The following NEDD4 variants were observed in gnomAD, a reference collection of about 807,000 sequenced individuals.
The protein encoded by NEDD4 is NEDD4 E3 ubiquitin protein ligase.
NEDD4 carries 99 observed loss-of-function variants against 144.9 expected under a neutral mutation model. The ratio of observed to expected loss-of-function variants is 0.68; its 90% CI spans 0.58 to 0.81. The LOEUF (loss-of-function observed/expected upper bound fraction) is 0.81. NEDD4 is among the 30% of genes least tolerant of loss of function. The probability of loss-of-function intolerance (pLI) is 0.00; values close to 1 mark genes in which losing one functional copy is unlikely to be tolerated. For missense variants in NEDD4, 985 were observed against 1,065.9 expected (o/e 0.92, Z 1.06); for synonymous variants, 318 against 350.6 (o/e 0.91, Z 1.04).
Position 55,974,891 on chromosome 15 carries a change from C to CTTTTTTTTTTTTTTTTTTTTTTTTTTT in NEDD4, c.46-8346_46-8345insAAAAAAAAAAAAAAAAAAAAAAAAAAA, listed in dbSNP as rs56285555. On this transcript the variant is annotated intron_variant, in intron 1 of 28. Coordinates refer to ENST00000435532, the MANE Select transcript of NEDD4 (RefSeq NM_006154.4). ...TAAGGATGTCCATTTCTTTTCCTTT[C>CTTTTTTTTTTTTTTTTTTTTTTTTTTT]TTTTTTTTTTTTTTTTTTTTTGAGA... Among the ~76,000 whole-genome samples the CTTTTTTTTTTTTTTTTTTTTTTTTTTT allele has an allele frequency of 2.4e-4, 18 of 75,712 alleles. 1 individual carries two copies. The highest frequency in any genetic ancestry group is 5.6e-4 in the South Asian group (1 of 1,778). 49.7% of individuals were successfully genotyped at this position (75,712 alleles called of 152,430 possible). A position where few individuals can be genotyped will look rare whatever the true frequency, so the allele number is the denominator to read the frequency against.
chr15:55,916,864 A>G, intron 5 of NEDD4: 1 of 1,552,166 alleles, frequency 6.4e-7, no homozygotes, highest in Non-Finnish European at 8.7e-7. Flanking sequence ...TAAGGGCTGA[A>G]AGTCATAACA....
chr15:55,945,280 A>T (rs2037088688), intron 4 of NEDD4, among the ~76,000 whole-genome samples: 1 of 152,188 alleles, frequency 6.6e-6, no homozygotes, highest in Non-Finnish European at 1.5e-5. Context: ...AGGTTAGCCC[A>T]ATGGCTAACT....
chr15:55,918,470 G>A (rs949359096), intron 5 of NEDD4, among the ~76,000 whole-genome samples: 2 of 151,856 alleles, frequency 1.3e-5, no homozygotes, highest in Non-Finnish European at 2.9e-5. Context: ...GAAAGTAAAA[G>A]GTAAAATAGT....
Position 55,872,403 on chromosome 15 carries a change from A to G in NEDD4, c.404+12T>C, listed in dbSNP as rs2034834026. ...AAATTTAATATGCTATTATTATTTT[A>G]TATTTACTGACCTTCTTGGATGAAG... is the stretch of plus-strand genomic sequence containing the variant. On this transcript the variant is annotated intron_variant, in intron 7 of 28. Coordinates refer to ENST00000435532, the MANE Select transcript of NEDD4 (RefSeq NM_006154.4). 1 of 1,322,458 alleles carries G rather than the reference A, an allele frequency of 7.6e-7. No individual in the cohort carries two copies. The highest frequency in any genetic ancestry group is 1.5e-5 in the African/African-American group (1 of 66,518). The allele number at this position is 1,322,458 out of a possible 1,614,324, so 81.9% of individuals were successfully genotyped here. A position where few individuals can be genotyped will look rare whatever the true frequency, so the allele number is the denominator to read the frequency against.
intron 24 of NEDD4, 85 bp from the exon 25 acceptor site, chr15:55,834,371 TC>T: frequency 1.3e-6 from 1 of 786,634 alleles, no homozygotes; most frequent in Non-Finnish European, 2.1e-6. Flanking sequence ...ACTGGAGGAA[TC>T]CCACATCCAC....
At chr15:55,898,856 G>A (rs1292560419) in intron 5 of NEDD4, among the ~76,000 whole-genome samples, 1 of 151,924 alleles carries the variant, frequency 6.6e-6, no homozygotes, top group African/African-American at 2.4e-5. Context: ...TGCCCAGGCT[G>A]GTCTTGAACT....
At chr15:55,968,088 A>G (rs2037547120) in intron 1 of NEDD4, among the ~76,000 whole-genome samples, 1 of 152,204 alleles carries the variant, frequency 6.6e-6, no homozygotes, top group Non-Finnish European at 1.5e-5. Context: ...AATATTTAAT[A>G]TTATTATCTT....
intron 5 of NEDD4, among the ~76,000 whole-genome samples, chr15:55,903,593 G>C (rs2035981239): frequency 6.6e-6 from 1 of 152,030 alleles, no homozygotes; most frequent in Non-Finnish European, 1.5e-5. Context: ...GGGAGGCCGA[G>C]GTGGGTGGAT....
At chr15:55,974,201 C>T (rs12439407) in intron 1 of NEDD4, among the ~76,000 whole-genome samples, 20,239 of 152,040 alleles carry the variant, frequency 0.13, 1,468 homozygotes, top group East Asian at 0.32. Context: ...CACATACAAC[C>T]TTCCAAGATT....
chr15:55,881,332 G>C (rs149519660), intron 5 of NEDD4, among the ~76,000 whole-genome samples: 2,877 of 151,906 alleles, frequency 0.019, 104 homozygotes, highest in African/African-American at 0.066. Flanking sequence ...GTAGAGACAG[G>C]GTTTCACCAT....
In NEDD4 at chr15:55,848,446, A is replaced by C. The variant is rs1178132371; in HGVS notation, c.1484-16T>G. ...CTTTTTATATCTGAAGGGAAGAAAA[A>C]GAAAAAAGATGTACTTTCTCACACA... On this transcript the variant is annotated splice_polypyrimidine_tract_variant and intron_variant, in intron 16 of 28. Transcript: ENST00000435532. The C allele has an allele frequency of 1.2e-6, 2 of 1,614,052 alleles. No individual in the cohort carries two copies. The highest frequency in any genetic ancestry group is 1.7e-6 in the Non-Finnish European group (2 of 1,179,904).
chr15:55,838,737 T>A, intron 21 of NEDD4, 133 bp from the exon 22 acceptor site: 1 of 600,016 alleles, frequency 1.7e-6, no homozygotes, highest in Non-Finnish European at 2.9e-6. Context: ...CTTACACACA[T>A]ATATAAACAA....
chr15:55,926,578 G>A (rs2036669333), intron 4 of NEDD4, among the ~76,000 whole-genome samples: 1 of 152,098 alleles, frequency 6.6e-6, no homozygotes, highest in Non-Finnish European at 1.5e-5. Context: ...GACCAGCCTG[G>A]GCATCATAGG....
At chr15:55,862,018 C>T (rs2034426364) in intron 9 of NEDD4, among the ~76,000 whole-genome samples, 1 of 152,086 alleles carries the variant, frequency 6.6e-6, no homozygotes, top group Non-Finnish European at 1.5e-5. Flanking sequence ...TGCCATAATA[C>T]TGAGGTATGC....
At chr15:55,925,824 A>G (rs879454347) in intron 4 of NEDD4, among the ~76,000 whole-genome samples, 1 of 152,102 alleles carries the variant, frequency 6.6e-6, no homozygotes, top group South Asian at 2.1e-4. Context: ...GGAAACCACT[A>G]ATTTTTGAAA....
At chr15:55,963,134 TA>T (rs368121909) in intron 2 of NEDD4, among the ~76,000 whole-genome samples, 3 of 141,824 alleles carry the variant, frequency 2.1e-5, no homozygotes, top group South Asian at 2.2e-4. Context: ...CACTCTTTTT[TA>T]TTTTTTTTTT....
At chr15:55,881,631 TA>T (rs1329483647) in intron 5 of NEDD4, among the ~76,000 whole-genome samples, 7 of 151,808 alleles carry the variant, frequency 4.6e-5, no homozygotes, top group Admixed American at 1.3e-4. Flanking sequence ...TTAATCAGAT[TA>T]AAAAAAACAA....
At chr15:55,862,402 GA>G (rs1259198603) in intron 9 of NEDD4, among the ~76,000 whole-genome samples, 1 of 152,148 alleles carries the variant, frequency 6.6e-6, no homozygotes, top group Non-Finnish European at 1.5e-5. Flanking sequence ...ACAGAAGTTA[GA>G]ATATGTTGAA....
At chr15:55,864,676 C>G (rs573853415) in intron 8 of NEDD4, among the ~76,000 whole-genome samples, 2 of 126,806 alleles carry the variant, frequency 1.6e-5, no homozygotes, top group South Asian at 3.2e-4. Context: ...GAGTGAAACT[C>G]TGTCTCATAA....
Sources: gnomAD v4.1 joint callset for allele counts (sites outside exome capture counted in the v4.1 genomes callset) on GRCh38, gnomAD v4.1.1 for gene constraint, MANE v1.5 for transcripts, NCBI Gene and HGNC (gene_info 2026-07-23, HGNC 2026-07-21) for gene names.